The following PEX5L variants were observed in gnomAD, a reference collection of about 807,000 sequenced individuals.
PEX5L encodes the protein PEX5-related protein.
A neutral mutation model predicts 84.0 loss-of-function variants in PEX5L; 30 were observed. The ratio of observed to expected loss-of-function variants is 0.36; its 90% CI spans 0.27 to 0.48. The LOEUF is 0.48. Among genes scored for constraint, PEX5L ranks in the 20% least tolerant of loss-of-function variants. PEX5L has a pLI of 0.99. For missense variants in PEX5L, 533 were observed against 754.6 expected, an observed-to-expected ratio of 0.71 and a Z score of 3.44; for synonymous variants, 270 against 283.1, an observed-to-expected ratio of 0.95 and a Z score of 0.46.
chr3:179,892,679 A>T (rs1478455637), intron 3 of PEX5L, among the ~76,000 whole-genome samples: 1 of 152,090 alleles, frequency 6.6e-6, no homozygotes, highest in East Asian at 1.9e-4. Context: ...ACTTGAGCCC[A>T]TTTCCTCCCA....
rs549169878 is a variant in PEX5L at position 179,949,196 on chromosome 3, C to T, written c.93+22398G>A. 2.0e-5 allele frequency among the ~76,000 whole-genome samples: 3 copies of T among 151,954 alleles called. No individual in the cohort carries two copies. In the South Asian group the frequency reaches 6.2e-4, roughly 32 times the overall value. On this transcript the variant is annotated intron_variant, in intron 2 of 14. Transcript: ENST00000467460. ...GGAAGGATTAATAAATGGTAAAGTA[C>T]AGAACTGAAGAGTAGATTTTTAAAA...
chr3:179,899,069 A>G (rs1303867184), intron 2 of PEX5L, among the ~76,000 whole-genome samples: 1 of 152,054 alleles, frequency 6.6e-6, no homozygotes. Flanking sequence ...AAACACATAC[A>G]TATCCCTATG....
intron 2 of PEX5L, among the ~76,000 whole-genome samples, chr3:179,960,416 G>A (rs1781718967): frequency 1.3e-5 from 2 of 152,196 alleles, no homozygotes; most frequent in Admixed American, 1.3e-4. Context: ...GGATGACAAT[G>A]GACAGCCTGC....
chr3:179,889,609 C>T (rs1038903766), intron 3 of PEX5L, among the ~76,000 whole-genome samples: 13 of 152,140 alleles, frequency 8.5e-5, no homozygotes, highest in South Asian at 4.1e-4. Context: ...TATAAAACCT[C>T]GCAGATTTTG....
At chr3:179,980,296 G>T (rs1047882979) in intron 1 of PEX5L, among the ~76,000 whole-genome samples, 5 of 152,070 alleles carry the variant, frequency 3.3e-5, no homozygotes, top group Non-Finnish European at 7.4e-5. Context: ...TGGCTCAAAT[G>T]ACTTTTGAGG....
At chr3:179,831,509 TG>T (rs1732935815) in intron 8 of PEX5L, among the ~76,000 whole-genome samples, 1 of 152,136 alleles carries the variant, frequency 6.6e-6, no homozygotes, top group African/African-American at 2.4e-5. Flanking sequence ...GCCTACTACG[TG>T]GGAGGCAGTA....
chr3:179,840,156 G>GT (rs201456388), intron 8 of PEX5L, among the ~76,000 whole-genome samples: 3 of 123,408 alleles, frequency 2.4e-5, no homozygotes, highest in Non-Finnish European at 5.0e-5. Flanking sequence ...TCGTCAAGTT[G>GT]TTTTTTGTGT....
chr3:179,807,861 C>A, intron 13 of PEX5L, 30 bp from the exon 14 acceptor site: 1 of 1,598,942 alleles, frequency 6.3e-7, no homozygotes, highest in South Asian at 1.1e-5. Flanking sequence ...TTTCTAACAA[C>A]CCAGTACAAG....
At chr3:179,913,514 T>A (rs1413120238) in intron 2 of PEX5L, among the ~76,000 whole-genome samples, 2 of 152,166 alleles carry the variant, frequency 1.3e-5, no homozygotes, top group African/African-American at 4.8e-5. Context: ...ATTGCAGACA[T>A]GTTTTTTCTT....
At chr3:179,847,416 C>A (rs747215327) in intron 8 of PEX5L, among the ~76,000 whole-genome samples, 1 of 151,966 alleles carries the variant, frequency 6.6e-6, no homozygotes, top group South Asian at 2.1e-4. Context: ...AGAGGTATAA[C>A]GGGTTGCCCT....
Position 180,004,490 on chromosome 3 carries a change from C to A in PEX5L, c.21+32089G>T, listed in dbSNP as rs557972601. Among the ~76,000 whole-genome samples, 35 of 152,292 alleles carry A rather than the reference C, an allele frequency of 2.3e-4. No homozygotes were observed. In the South Asian group the frequency reaches 7.1e-3, roughly 31 times the overall value. The stretch of plus-strand genomic sequence containing the variant: ...AAAAATGTCCAAACAGCTGGGCATA[C>A]TAATATGAATGAAATGGTTCCAGTT... On this transcript the variant is annotated intron_variant, in intron 1 of 14. Coordinates refer to ENST00000467460, the MANE Select transcript of PEX5L (RefSeq NM_016559.3).
At chr3:179,910,167 A>C (rs753881488) in intron 2 of PEX5L, among the ~76,000 whole-genome samples, 3 of 152,180 alleles carry the variant, frequency 2.0e-5, no homozygotes, top group Non-Finnish European at 4.4e-5. Context: ...TGAAAACCAG[A>C]AATTTGGAAG....
chr3:179,911,911 T>C (rs1294856249), intron 2 of PEX5L, among the ~76,000 whole-genome samples: 3 of 152,120 alleles, frequency 2.0e-5, no homozygotes, highest in Non-Finnish European at 4.4e-5. Flanking sequence ...GGATTCAAAA[T>C]AGAAGACTTT....
chr3:179,937,904 G>A (rs1263855904), intron 2 of PEX5L, among the ~76,000 whole-genome samples: 2 of 151,948 alleles, frequency 1.3e-5, no homozygotes, highest in Admixed American at 6.6e-5. Flanking sequence ...TGGAAAGTGG[G>A]GTGGGATCCA....
At chr3:180,001,675 T>C (rs917751431) in intron 1 of PEX5L, among the ~76,000 whole-genome samples, 6 of 152,158 alleles carry the variant, frequency 3.9e-5, no homozygotes, top group Non-Finnish European at 8.8e-5. Context: ...TAATCATTTT[T>C]AATAAACTAT....
At chr3:180,023,054 G>T (rs1790559237) in intron 1 of PEX5L, among the ~76,000 whole-genome samples, 1 of 152,150 alleles carries the variant, frequency 6.6e-6, no homozygotes, top group South Asian at 2.1e-4. Context: ...TTTTGCAGCG[G>T]CTGAGGTACC....
At chr3:179,848,906 C>T (rs1461805823) in intron 8 of PEX5L, among the ~76,000 whole-genome samples, 1 of 152,270 alleles carries the variant, frequency 6.6e-6, no homozygotes, top group African/African-American at 2.4e-5. Context: ...GAACTGCCTC[C>T]TCAAGCTCTT....
At chr3:180,012,500 C>T (rs1049745379) in intron 1 of PEX5L, among the ~76,000 whole-genome samples, 3 of 152,050 alleles carry the variant, frequency 2.0e-5, no homozygotes, top group African/African-American at 7.2e-5. Context: ...GGAGTCAGTG[C>T]AATTTAAACC....
chr3:179,989,313 T>C (rs550734328), intron 1 of PEX5L, among the ~76,000 whole-genome samples: 12 of 151,738 alleles, frequency 7.9e-5, no homozygotes, highest in Non-Finnish European at 1.6e-4. Flanking sequence ...TGATTGACTG[T>C]TTTGAACAGA....
Sources: allele counts gnomAD v4.1 joint callset (sites outside exome capture counted in the v4.1 genomes callset), GRCh38; gene constraint gnomAD v4.1.1; transcripts MANE v1.5; gene names NCBI Gene and HGNC (gene_info 2026-07-23, HGNC 2026-07-21).